Variants in ZNF85 observed in about 807,000 individuals in gnomAD.
ZNF85 encodes zinc finger protein 85.
Under a neutral mutation model 53.9 loss-of-function variants are expected in ZNF85, and 50 were observed. The observed-to-expected ratio is 0.93, with a 90% confidence interval of 0.74 to 1.17. ZNF85 has a LOEUF of 1.17. Among genes scored for constraint, ZNF85 ranks in the 50% most tolerant of loss-of-function variants. The pLI is 0.00. For missense variants in ZNF85, 747 were observed against 688.5 expected, an observed-to-expected ratio of 1.08 and a Z score of -0.95; for synonymous variants, 225 against 226.1, an observed-to-expected ratio of 1.00 and a Z score of 0.04.
chr19:20,944,014 A>G (rs184316593), intron 3 of ZNF85: 11 of 321,030 alleles, frequency 3.4e-5, no homozygotes, highest in Non-Finnish European at 4.5e-5. Context: ...CCAGTTTGTT[A>G]TTGGTATTAA....
intron 1 of ZNF85, among the ~76,000 whole-genome samples, chr19:20,924,425 G>T (rs1439199285): frequency 6.6e-6 from 1 of 152,058 alleles, no homozygotes; most frequent in East Asian, 1.9e-4. Context: ...TTTTTAAAAA[G>T]GAGGACCCCA....
At chr19:20,935,848 C>A (rs1360794006) in intron 3 of ZNF85, among the ~76,000 whole-genome samples, 2 of 151,976 alleles carry the variant, frequency 1.3e-5, no homozygotes, top group African/African-American at 4.8e-5. Flanking sequence ...CCATGCCTGG[C>A]CACCACTAGA....
At chr19:20,930,040 G>A (rs966402371) in intron 1 of ZNF85, among the ~76,000 whole-genome samples, 4 of 148,652 alleles carry the variant, frequency 2.7e-5, no homozygotes, top group Non-Finnish European at 5.9e-5. Flanking sequence ...AGAATCTCTT[G>A]AGCCCAGGAG....
chr19:20,946,463 G>T, intron 3 of ZNF85: 1 of 306,848 alleles, frequency 3.3e-6, no homozygotes, highest in South Asian at 2.9e-5. Flanking sequence ...ATAGAAAGTA[G>T]GTATTGAAAT....
At chr19:20,924,521 C>T (rs894307656) in intron 1 of ZNF85, among the ~76,000 whole-genome samples, 1 of 152,158 alleles carries the variant, frequency 6.6e-6, no homozygotes, top group South Asian at 2.1e-4. Context: ...GCATTTTTCA[C>T]ATATGTCTCA....
At chr19:20,942,606 T>C (rs11669194) in intron 3 of ZNF85, among the ~76,000 whole-genome samples, 17,226 of 152,218 alleles carry the variant, frequency 0.11, 1,011 homozygotes, top group Non-Finnish European at 0.13. Context: ...TGTATTGACA[T>C]CTTTGAAAAA....
intron 3 of ZNF85, among the ~76,000 whole-genome samples, chr19:20,944,805 A>T (rs1257964150): frequency 6.6e-6 from 1 of 152,080 alleles, no homozygotes; most frequent in African/African-American, 2.4e-5. Context: ...AGTTTATATT[A>T]TAATTGTGTA....
In ZNF85 at chr19:20,934,008, T is replaced by C. The variant is rs764916602; in HGVS notation, c.4-16T>C. Reference sequence around the variant, plus strand: ...GTGTGTGTGTGTGTGTATGTGTATGTGTGTGTATCTTTCAGGGACCATTGA... The same window carrying C: ...GTGTGTGTGTGTGTGTATGTGTATGCGTGTGTATCTTTCAGGGACCATTGA... On this transcript the variant is annotated splice_polypyrimidine_tract_variant and intron_variant, in intron 1 of 3. Coordinates refer to ENST00000328178, the MANE Select transcript of ZNF85 (RefSeq NM_003429.5). 3 of 1,601,902 alleles carry C rather than the reference T, an allele frequency of 1.9e-6. No homozygotes were observed. The highest frequency in any genetic ancestry group is 1.7e-5 in the Admixed American group (1 of 59,364).
intron 3 of ZNF85, among the ~76,000 whole-genome samples, chr19:20,940,582 C>T (rs961183950): frequency 6.6e-6 from 1 of 152,110 alleles, no homozygotes; most frequent in Non-Finnish European, 1.5e-5. Context: ...AGTATATTCA[C>T]ATTGTTATGC....
rs142694901 is a variant in ZNF85, at chr19:20,937,154, C to T, written c.229+2107C>T. On this transcript the variant is annotated intron_variant, in intron 3 of 3. Coordinates refer to ENST00000328178, the MANE Select transcript of ZNF85 (RefSeq NM_003429.5). ...TTCAAGTATTCCCCTGCCTCAGCCT[C>T]CCAAGTAGCTGTGACTAAAGCCGTG... 2,593 of 314,564 alleles carry T rather than the reference C, an allele frequency of 8.2e-3. 40 individuals carry two copies. The highest frequency in any genetic ancestry group is 0.033 in the African/African-American group (1,476 of 45,244). The allele number at this position is 314,564 out of a possible 1,614,324, so 19.5% of individuals were successfully genotyped here. A position where few individuals can be genotyped will look rare whatever the true frequency, so the allele number is the denominator to read the frequency against.
intron 3 of ZNF85, among the ~76,000 whole-genome samples, chr19:20,938,870 G>GTATA (rs1170172154): frequency 6.7e-5 from 9 of 135,104 alleles, no homozygotes; most frequent in African/African-American, 2.2e-4. Flanking sequence ...GTGTGTGTGT[G>GTATA]TGTGTGTATA....
At chr19:20,946,045 T>TTG (rs199726907) in intron 3 of ZNF85, among the ~76,000 whole-genome samples, 135 of 148,064 alleles carry the variant, frequency 9.1e-4, no homozygotes, top group Middle Eastern at 3.4e-3. Flanking sequence ...GCCTCAAACG[T>TTG]TTTTTTTTTT....
Position 20,949,562 on chromosome 19 carries a change from G to A in ZNF85, c.1048G>A (p.Ala350Thr), listed in dbSNP as rs1909657594. 1 of 1,598,146 alleles carries A rather than the reference G, an allele frequency of 6.3e-7. No homozygotes were observed. Among genetic ancestry groups the A allele is most frequent in the Admixed American group, 1.7e-5 (1 of 59,378 alleles). The change falls in exon 4 of 4, where the codon GCC becomes ACC. Residue 350 changes from alanine (A) to threonine (T), a missense_variant. By Grantham distance (58) the Ala-to-Thr change is moderately conservative. Transcript: ENST00000328178. ...KPYKCKKCGK[A>T]FNQSAHLTTH... ...CTACAAATGTAAAAAATGTGGAAAAGCCTTTAACCAGTCTGCACACCTTAC... is the reference window on the plus strand; with the variant it reads ...CTACAAATGTAAAAAATGTGGAAAAACCTTTAACCAGTCTGCACACCTTAC...
In ZNF85 at chr19:20,950,346, A is replaced by G. The variant is rs1568558898; in HGVS notation, c.*44A>G. Reference sequence around the variant, plus strand: ...AATCAATTTACAAGTCTTACTAAACATAAGAAAATTTATACTGGAGAGAAA... The same window carrying G: ...AATCAATTTACAAGTCTTACTAAACGTAAGAAAATTTATACTGGAGAGAAA... On this transcript the variant is annotated 3_prime_UTR_variant, in exon 4 of 4. Transcript: ENST00000328178. 1 of 1,380,436 alleles carries G rather than the reference A, an allele frequency of 7.2e-7. No homozygotes were observed. Among genetic ancestry groups the G allele is most frequent in the African/African-American group, 1.5e-5 (1 of 68,756 alleles). The allele number at this position is 1,380,436 out of a possible 1,614,324, so 85.5% of individuals were successfully genotyped here.
rs1972816139 is a variant in ZNF85 at position 20,923,787 on chromosome 19, A to AAAAT, written c.3+385_3+388dup. On this transcript the variant is annotated intron_variant, in intron 1 of 3. Transcript: ENST00000328178. The stretch of plus-strand genomic sequence containing the variant: ...TCCCAGTTCCTCTTTTTTTCTGTTA[A>AAAAT]AAATGTATGGGGGGACGGGCGTGGT... 2.6e-5 allele frequency among the ~76,000 whole-genome samples: 4 copies of AAAAT among 152,100 alleles called. No homozygotes were observed. The South Asian group carries it at 8.3e-4, about 32-fold the overall frequency.
chr19:20,945,941 A>T (rs1321516444), intron 3 of ZNF85, among the ~76,000 whole-genome samples: 2 of 152,070 alleles, frequency 1.3e-5, no homozygotes, highest in Admixed American at 6.5e-5. Context: ...TATGTACTGC[A>T]TTCTCTTATT....
Position 20,949,479 on chromosome 19 carries a change from C to G in ZNF85, c.965C>G (p.Ala322Gly). 2.5e-6 allele frequency: 4 copies of G among 1,613,356 alleles called. No homozygotes were observed. The highest frequency in any genetic ancestry group is 3.4e-6 in the Non-Finnish European group (4 of 1,179,722). Residue 322 changes from alanine to glycine, a missense_variant, in exon 4 of 4, where the codon GCC becomes GGC. Coordinates refer to ENST00000328178, the MANE Select transcript of ZNF85 (RefSeq NM_003429.5). ...TACAAATGTGAAGAATGTGGCAAAG[C>G]CTTTAAGCAGTCCTCAAACCTTACT... ...KPYKCEECGKAFKQSSNLTTH... is the reference protein window; with the variant it reads ...KPYKCEECGKGFKQSSNLTTH...
rs764304004 is a variant in ZNF85, at chr19:20,949,412, AC to A, written c.901del (p.Thr302LeufsTer33). Reference sequence around the variant, plus strand: ...TGGTAAAGCTTTTAACCGATCTTCAACCCTTACTACCCATAGAAAAATTCAT... The same window carrying A: ...TGGTAAAGCTTTTAACCGATCTTCAACCTTACTACCCATAGAAAAATTCAT... ...ECGKAFNRSS[T>X]LTTHRKIHTG... On this transcript the variant is annotated frameshift_variant, in exon 4 of 4. Coordinates refer to ENST00000328178, the MANE Select transcript of ZNF85 (RefSeq NM_003429.5). LOFTEE classifies it high-confidence loss of function. 6.2e-7 allele frequency: 1 copy of A among 1,609,144 alleles called. No homozygotes were observed. The highest frequency in any genetic ancestry group is 1.1e-5 in the South Asian group (1 of 90,636).
At chr19:20,937,777 G>A (rs1056923639) in intron 3 of ZNF85, among the ~76,000 whole-genome samples, 14 of 152,280 alleles carry the variant, frequency 9.2e-5, no homozygotes, top group Admixed American at 7.8e-4. Flanking sequence ...GCCAAGGTCT[G>A]CAGGCCTGTC....
Sources: allele counts gnomAD v4.1 joint callset (sites outside exome capture counted in the v4.1 genomes callset), GRCh38; gene constraint gnomAD v4.1.1; transcripts MANE v1.5; gene names NCBI Gene and HGNC (gene_info 2026-07-23, HGNC 2026-07-21).